The following JAML variants were observed in gnomAD, a reference collection of about 807,000 sequenced individuals.
The protein encoded by JAML is junctional adhesion molecule-like.
Under a neutral mutation model 39.3 loss-of-function variants are expected in JAML, and 25 were observed. The ratio of observed to expected loss-of-function variants is 0.64; its 90% CI spans 0.46 to 0.89. The LOEUF (loss-of-function observed/expected upper bound fraction) is 0.89, where lower values mean the gene tolerates loss of function less well. Ranked by LOEUF, JAML falls within the 40% of genes least tolerant of loss-of-function variation. The pLI, the probability that JAML is intolerant of heterozygous loss-of-function variation, is 0.00. For synonymous variants in JAML, 162 were observed against 179.2 expected, an observed-to-expected ratio of 0.90 and a Z score of 0.77; for missense variants, 440 against 486.9, an observed-to-expected ratio of 0.90 and a Z score of 0.91.
chr11:118,215,729 T>C (rs751126557), intron 1 of JAML, among the ~76,000 whole-genome samples: 15 of 152,136 alleles, frequency 9.9e-5, no homozygotes, highest in Non-Finnish European at 1.8e-4. Flanking sequence ...GGGCTGTGCA[T>C]TGGACAAAAG....
chr11:118,212,394 T>C lies in JAML; in HGVS notation c.198+13A>G. On this transcript the variant is annotated intron_variant, in intron 3 of 9. Coordinates refer to ENST00000356289, the MANE Select transcript of JAML (RefSeq NM_001098526.2). ...GGGGCTTCTATTACATAGTGATGTT[T>C]CCCCCGCGTTACCTTGGCGTGCTCT... The C allele has an allele frequency of 6.2e-7, 1 of 1,613,258 alleles. No homozygotes were observed.
intron 2 of JAML, among the ~76,000 whole-genome samples, chr11:118,214,408 C>G (rs1465285865): frequency 6.6e-6 from 1 of 152,132 alleles, no homozygotes; most frequent in East Asian, 1.9e-4. Flanking sequence ...AGAGCTCAGT[C>G]CATTTGAGGA....
chr11:118,218,211 G>C lies in JAML; in HGVS notation c.-20-3325C>G, dbSNP rs182843392. On this transcript the variant is annotated intron_variant, in intron 1 of 9. Coordinates refer to ENST00000356289, the MANE Select transcript of JAML (RefSeq NM_001098526.2). Reference sequence around the variant, plus strand: ...CGGGTTCAAGTGATTCTCCTGCCTCGGCCTCCTGAGTAGCTGGGATTACAG... The same window carrying C: ...CGGGTTCAAGTGATTCTCCTGCCTCCGCCTCCTGAGTAGCTGGGATTACAG... Among the ~76,000 whole-genome samples the C allele has an allele frequency of 5.4e-4, 82 of 152,010 alleles. 2 individuals carry two copies. In the East Asian group the frequency reaches 0.015, roughly 28 times the overall value.
rs1218546111 is a variant in JAML at position 118,203,632 on chromosome 11, T to G, written c.568A>C (p.Arg190=). The change falls in exon 6 of 10, where the codon AGG becomes CGG. Residue 190 remains arginine, a synonymous_variant. Coordinates refer to ENST00000356289, the MANE Select transcript of JAML (RefSeq NM_001098526.2). ...EIVFRYYHKL[R]MSVEYSQSWG... ...CTCTGGGAGTACTCCACAGACATCC[T>G]GAGTTTGTGGTAGTAACGAAATACA... The G allele has an allele frequency of 2.5e-6, 4 of 1,613,794 alleles. No individual in the cohort carries two copies. The highest frequency in any genetic ancestry group is 3.4e-6 in the Non-Finnish European group (4 of 1,179,832).
In JAML at chr11:118,200,592, G is replaced by A. The variant is rs374177835; in HGVS notation, c.793C>T (p.Leu265=). ...TTACCACCCAAGACCAGAGGCCTCA[G>A]GGCTGCCGGGGTCACCAGTGCTTGG... is the stretch of plus-strand genomic sequence containing the variant. The part of the protein sequence containing the change: ...EPRTLVTPAA[L]RPLVLGGNQL... The change falls in exon 7 of 10, where the codon CTG becomes TTG. Residue 265 remains leucine (L), a synonymous_variant. Transcript: ENST00000356289. The A allele has an allele frequency of 2.0e-5, 32 of 1,614,018 alleles. No homozygotes were observed. Among genetic ancestry groups the A allele is most frequent in the Non-Finnish European group, 2.6e-5 (31 of 1,180,036 alleles).
chr11:118,221,774 T>G (rs1030144840), intron 1 of JAML, among the ~76,000 whole-genome samples: 1 of 152,202 alleles, frequency 6.6e-6, no homozygotes, highest in Non-Finnish European at 1.5e-5. Flanking sequence ...GTTTAATCAT[T>G]TATTGATTCT....
intron 1 of JAML, among the ~76,000 whole-genome samples, chr11:118,221,590 G>T (rs997381669): frequency 6.6e-6 from 1 of 152,210 alleles, no homozygotes; most frequent in Non-Finnish European, 1.5e-5. Flanking sequence ...ATGCTTGCTT[G>T]TCTGCCCCCG....
At chr11:118,194,889 T>A (rs905467009) in intron 9 of JAML, among the ~76,000 whole-genome samples, 2 of 152,220 alleles carry the variant, frequency 1.3e-5, no homozygotes, top group Admixed American at 1.3e-4. Flanking sequence ...CAGCCTTATT[T>A]AACTTGGCAC....
intron 1 of JAML, among the ~76,000 whole-genome samples, chr11:118,220,919 A>C (rs1325278396): frequency 6.6e-6 from 1 of 152,222 alleles, no homozygotes; most frequent in Non-Finnish European, 1.5e-5. Flanking sequence ...GATGGCCTTA[A>C]AATGAAGTGG....
intron 8 of JAML, chr11:118,197,032 C>T: frequency 2.1e-6 from 1 of 482,356 alleles, no homozygotes; most frequent in South Asian, 2.6e-5. Context: ...AAGAACCAAA[C>T]TCTTTGCTTC....
rs1316801774 is a variant in JAML, at chr11:118,212,424, G to T, written c.181C>A (p.Pro61Thr). Residue 61 changes from proline to threonine, a missense_variant, in exon 3 of 10, where the codon CCA (proline) becomes ACA (threonine). By Grantham distance (38) the Pro-to-Thr change is conservative. Coordinates refer to ENST00000356289, the MANE Select transcript of JAML (RefSeq NM_001098526.2). ...CIFKIDWTLS[P>T]GEHAKDEYVL... ...CGCGTTACCTTGGCGTGCTCTCCTG[G>T]TGACAGAGTCCAGTCTATCTTGAAT... 1.9e-6 allele frequency: 3 copies of T among 1,613,876 alleles called. No homozygotes were observed. In the African/African-American group the frequency reaches 4.0e-5, roughly 22 times the overall value.
chr11:118,201,073 T>C (rs1431700602), intron 6 of JAML: 1 of 157,130 alleles, frequency 6.4e-6, no homozygotes, highest in African/African-American at 2.4e-5. Context: ...TGCATGGTTC[T>C]TTCTAAATAC....
intron 6 of JAML, chr11:118,202,588 A>T (rs1948827552): frequency 4.6e-6 from 1 of 217,468 alleles, no homozygotes; most frequent in Non-Finnish European, 9.5e-6. Flanking sequence ...GAGAAGCTGC[A>T]TGAGCCCCCA....
chr11:118,214,320 G>A (rs535448315), intron 2 of JAML, among the ~76,000 whole-genome samples: 40 of 152,282 alleles, frequency 2.6e-4, no homozygotes, highest in African/African-American at 9.4e-4. Flanking sequence ...TGAAGGGTAA[G>A]GAAGCATCGG....
chr11:118,214,737 A>C, intron 2 of JAML, 87 bp downstream of exon 2: 1 of 1,380,382 alleles, frequency 7.2e-7, no homozygotes, highest in Non-Finnish European at 1.0e-6. Context: ...ACCCAAGGGA[A>C]TCGAAAATAT....
At chr11:118,196,029 C>T (rs1249457005) in intron 9 of JAML, among the ~76,000 whole-genome samples, 1 of 151,710 alleles carries the variant, frequency 6.6e-6, no homozygotes. Context: ...GACAGTGTTT[C>T]ACCATGTTGG....
chr11:118,205,878 T>C lies in JAML; in HGVS notation c.534+4A>G. The C allele has an allele frequency of 6.2e-7, 1 of 1,612,800 alleles. No homozygotes were observed. Among genetic ancestry groups the C allele is most frequent in the Non-Finnish European group, 8.5e-7 (1 of 1,178,812 alleles). ...CTAACACAGTGATGTTTCCTCCTTG[T>C]TACCTTTGCGCGCCGTCCTGAAAAT... On this transcript the variant is annotated splice_donor_region_variant and intron_variant, in intron 5 of 9. Coordinates refer to ENST00000356289, the MANE Select transcript of JAML (RefSeq NM_001098526.2).
chr11:118,210,900 C>G (rs942546175), intron 3 of JAML, among the ~76,000 whole-genome samples, 188 bp from the exon 4 acceptor site: 6 of 152,204 alleles, frequency 3.9e-5, no homozygotes, highest in African/African-American at 9.6e-5. Flanking sequence ...CTGCAACTCC[C>G]TTTCTACAAA....
intron 2 of JAML, 148 bp from the exon 3 acceptor site, chr11:118,212,709 G>A (rs766656596): frequency 2.7e-6 from 4 of 1,504,038 alleles, no homozygotes; most frequent in Non-Finnish European, 3.6e-6. Flanking sequence ...AAGGCAGCAT[G>A]GCATCCCTGT....
Sources: allele counts gnomAD v4.1 joint callset (sites outside exome capture counted in the v4.1 genomes callset), GRCh38; gene constraint gnomAD v4.1.1; transcripts MANE v1.5; gene names NCBI Gene and HGNC (gene_info 2026-07-23, HGNC 2026-07-21).